The following NBEA variants were observed in gnomAD, a reference collection of about 807,000 sequenced individuals.
NBEA encodes lysosomal-trafficking regulator 2.
NBEA carries 44 observed loss-of-function variants against 343.4 expected under a neutral mutation model. The ratio of observed to expected loss-of-function variants is 0.13; its 90% CI spans 0.10 to 0.16. NBEA has a LOEUF of 0.16. Among genes scored for constraint, NBEA ranks in the 10% least tolerant of loss-of-function variants. The pLI is 1.00. For missense variants in NBEA, 2,555 were observed against 3,631.3 expected (o/e 0.70, Z 7.62); for synonymous variants, 1,175 against 1,238.7 (o/e 0.95, Z 1.08).
At chr13:35,434,407 A>G (rs998990164) in intron 39 of NBEA, among the ~76,000 whole-genome samples, 9 of 152,198 alleles carry the variant, frequency 5.9e-5, no homozygotes, top group African/African-American at 1.7e-4. Context: ...AGAACCCATT[A>G]TCTATCCCTC....
chr13:35,361,048 A>C (rs755176107), intron 38 of NBEA, among the ~76,000 whole-genome samples: 1 of 152,054 alleles, frequency 6.6e-6, no homozygotes, highest in Non-Finnish European at 1.5e-5. Context: ...TTAAGGCTAA[A>C]TCTAGACACA....
chr13:35,308,808 A>G (rs2037166841), intron 35 of NBEA, among the ~76,000 whole-genome samples: 2 of 151,026 alleles, frequency 1.3e-5, no homozygotes. Flanking sequence ...TAGGAACAGC[A>G]TAAAATAAGC....
rs780250042 is a variant in NBEA at position 35,667,506 on chromosome 13, G to T, written c.8597G>T (p.Arg2866Leu). The change falls in exon 57 of 59, where the codon CGA (arginine) becomes CTA (leucine). Residue 2866 changes from arginine (R) to leucine (L), a missense_variant. Arg to Leu is a moderately radical substitution (Grantham distance 102). Coordinates refer to ENST00000379939, the MANE Select transcript of NBEA (RefSeq NM_001385012.1). ...TGTATCATATACTATGAACGAGGGC[G>T]ATTCAGTAATTTCAGCATTAATGGG... ...GHCIIYYERG[R>L]FSNFSINGKL... 1 of 1,613,816 alleles carries T rather than the reference G, an allele frequency of 6.2e-7. No individual in the cohort carries two copies. Among genetic ancestry groups the T allele is most frequent in the African/African-American group, 1.3e-5 (1 of 74,908 alleles).
At position 34,942,847 on chromosome 13, in the gene NBEA, C is replaced by A; in HGVS notation, c.27C>A (p.Gly9=). 7.3e-7 allele frequency: 1 copy of A among 1,368,808 alleles called. No homozygotes were observed. The highest frequency in any genetic ancestry group is 9.5e-7 in the Non-Finnish European group (1 of 1,058,196). The allele number at this position is 1,368,808 out of a possible 1,614,324, so 84.8% of individuals were successfully genotyped here. Reference sequence around the variant, plus strand: ...TGGCTAGCGAGAAGCCGGGCCCGGGCCCGGGGCTCGAGCCTCAGCCCGTGG... The same window carrying A: ...TGGCTAGCGAGAAGCCGGGCCCGGGACCGGGGCTCGAGCCTCAGCCCGTGG... MASEKPGP[G]PGLEPQPVGL... Residue 9 remains glycine, a synonymous_variant, in exon 1 of 59, where the codon GGC becomes GGA. Transcript: ENST00000379939.
intron 26 of NBEA, among the ~76,000 whole-genome samples, chr13:35,173,263 A>G (rs975300318): frequency 2.6e-5 from 4 of 151,940 alleles, no homozygotes; most frequent in Admixed American, 1.3e-4. Context: ...ATTTTGTTTT[A>G]TTTTTAACTA....
At chr13:35,314,076 G>A (rs1369258482) in intron 36 of NBEA, among the ~76,000 whole-genome samples, 2 of 152,132 alleles carry the variant, frequency 1.3e-5, no homozygotes, top group East Asian at 3.9e-4. Flanking sequence ...GCCTTTAGTG[G>A]AAGAGCACTG....
chr13:35,208,947 A>C, intron 32 of NBEA, 93 bp downstream of exon 32: 3 of 911,048 alleles, frequency 3.3e-6, no homozygotes, highest in Non-Finnish European at 4.7e-6. Flanking sequence ...AAATACCCTA[A>C]TCATTTAAGA....
rs368142377 is a variant in NBEA at position 35,435,608 on chromosome 13, G to T, written c.6304+3215G>T. Among the ~76,000 whole-genome samples the T allele has an allele frequency of 4.6e-5, 7 of 151,998 alleles. No individual in the cohort carries two copies. The East Asian group carries it at 1.4e-3, about 29-fold the overall frequency. ...GGAAAACCTGGATAAGGATAAAAAT[G>T]GGAGTTTTGTACTATATTTGAAATG... is the stretch of plus-strand genomic sequence containing the variant. On this transcript the variant is annotated intron_variant, in intron 39 of 58. Coordinates refer to ENST00000379939, the MANE Select transcript of NBEA (RefSeq NM_001385012.1).
chr13:35,165,079 T>G lies in NBEA; in HGVS notation c.4233+570T>G, dbSNP rs375715506. 1.0e-4 allele frequency: 55 copies of G among 534,052 alleles called. 1 individual carries two copies. Among genetic ancestry groups the G allele is most frequent in the African/African-American group, 9.4e-4 (49 of 52,064 alleles). 33.1% of individuals were successfully genotyped at this position (534,052 alleles called of 1,614,324 possible). ...ATGGGAAAGAATATAGAATTTTGCT[T>G]CCCATATTACCCACGTTCTTGTTGC... is the stretch of plus-strand genomic sequence containing the variant. On this transcript the variant is annotated intron_variant, in intron 24 of 58. Transcript: ENST00000379939.
chr13:35,118,619 C>G (rs532187563), intron 16 of NBEA, 145 bp downstream of exon 16: 1 of 608,692 alleles, frequency 1.6e-6, no homozygotes, highest in South Asian at 2.6e-5. Context: ...GCTATTGATC[C>G]TCGAATACTC....
chr13:35,406,256 A>T (rs58889196), intron 38 of NBEA, among the ~76,000 whole-genome samples: 1 of 150,542 alleles, frequency 6.6e-6, no homozygotes, highest in Non-Finnish European at 1.5e-5. Context: ...TTTTTCCTCA[A>T]TGGCTTCACC....
Position 35,182,575 on chromosome 13 carries a change from C to G in NBEA, c.4831+47C>G. On this transcript the variant is annotated intron_variant, in intron 29 of 58. Coordinates refer to ENST00000379939, the MANE Select transcript of NBEA (RefSeq NM_001385012.1). ...TTTGAATTTTCACCATGATGTATCT[C>G]CTTTTTTTCACCTTTACATCTAGAT... 2.0e-6 allele frequency: 3 copies of G among 1,524,108 alleles called. No homozygotes were observed. In the South Asian group the frequency reaches 3.7e-5, roughly 19 times the overall value. The allele number at this position is 1,524,108 out of a possible 1,614,324, so 94.4% of individuals were successfully genotyped here. A position where few individuals can be genotyped will look rare whatever the true frequency, so the allele number is the denominator to read the frequency against.
chr13:35,214,121 T>A (rs986735208), intron 33 of NBEA, among the ~76,000 whole-genome samples: 1 of 152,006 alleles, frequency 6.6e-6, no homozygotes, highest in African/African-American at 2.4e-5. Context: ...ATTATATGGC[T>A]ATTAATAATC....
chr13:35,470,723 C>G (rs991503018), intron 40 of NBEA, among the ~76,000 whole-genome samples: 3 of 152,164 alleles, frequency 2.0e-5, no homozygotes, highest in African/African-American at 7.2e-5. Flanking sequence ...CGAACCGGCC[C>G]GAGCGTTGGG....
At chr13:34,978,133 A>G (rs943749462) in intron 1 of NBEA, among the ~76,000 whole-genome samples, 1 of 152,298 alleles carries the variant, frequency 6.6e-6, no homozygotes, top group Non-Finnish European at 1.5e-5. Context: ...TCAATCTTCA[A>G]ACCTTGGGAT....
At chr13:35,395,878 T>C (rs1202969948) in intron 38 of NBEA, among the ~76,000 whole-genome samples, 1 of 152,220 alleles carries the variant, frequency 6.6e-6, no homozygotes, top group Non-Finnish European at 1.5e-5. Flanking sequence ...TTTCTCATTA[T>C]TAAATATCCC....
At chr13:35,526,577 G>A (rs1440364392) in intron 41 of NBEA, among the ~76,000 whole-genome samples, 3 of 152,326 alleles carry the variant, frequency 2.0e-5, no homozygotes, top group African/African-American at 4.8e-5. Flanking sequence ...TCCTTGGAGT[G>A]TCACTTTTCC....
At chr13:35,449,823 T>A (rs117589026) in intron 39 of NBEA, among the ~76,000 whole-genome samples, 4,549 of 152,328 alleles carry the variant, frequency 0.03, 106 homozygotes, top group Non-Finnish European at 0.045. Context: ...AATGTAGCAT[T>A]GATTTGTCAT....
intron 1 of NBEA, among the ~76,000 whole-genome samples, chr13:35,015,641 AAC>A (rs2061632517): frequency 6.6e-6 from 1 of 152,106 alleles, no homozygotes; most frequent in Admixed American, 6.5e-5. Context: ...ATTTTTGAAA[AAC>A]AAAAATAATG....
Sources: allele counts gnomAD v4.1 joint callset (sites outside exome capture counted in the v4.1 genomes callset), GRCh38; gene constraint gnomAD v4.1.1; transcripts MANE v1.5; gene names NCBI Gene and HGNC (gene_info 2026-07-23, HGNC 2026-07-21).